VSNL1: variants seen among roughly 807,000 people sequenced by gnomAD.
VSNL1 encodes the protein visinin like 1.
VSNL1 carries 6 observed loss-of-function variants against 20.4 expected under a neutral mutation model. That is an observed-to-expected ratio of 0.29 (90% confidence interval 0.16 to 0.58). The LOEUF (loss-of-function observed/expected upper bound fraction) is 0.58. VSNL1 is among the 20% of genes least tolerant of loss of function. VSNL1 has a pLI of 0.90. For synonymous variants in VSNL1, 93 were observed against 86.4 expected, an observed-to-expected ratio of 1.08 and a Z score of -0.42; for missense variants, 100 against 234.5, an observed-to-expected ratio of 0.43 and a Z score of 3.75.
intron 2 of VSNL1, among the ~76,000 whole-genome samples, chr2:17,643,662 C>T (rs577990201): frequency 9.2e-5 from 14 of 152,286 alleles, no homozygotes; most frequent in South Asian, 4.1e-4. Flanking sequence ...AAAAAGGGCA[C>T]GAATCCACAA....
chr2:17,606,564 C>T (rs893876199), intron 2 of VSNL1, among the ~76,000 whole-genome samples: 1 of 152,146 alleles, frequency 6.6e-6, no homozygotes, highest in Non-Finnish European at 1.5e-5. Flanking sequence ...TGGGCTATGA[C>T]TGTGAGGTTG....
At chr2:17,609,164 G>C (rs528310689) in intron 2 of VSNL1, among the ~76,000 whole-genome samples, 2 of 152,192 alleles carry the variant, frequency 1.3e-5, no homozygotes, top group South Asian at 4.2e-4. Context: ...TCAAGGCCTC[G>C]GTCTCTTTCT....
rs1558312491 is a variant in VSNL1, at chr2:17,649,740, ACAC to A, written c.378+119_378+121del. 3.1e-6 allele frequency: 3 copies of A among 973,944 alleles called. No individual in the cohort carries two copies. The highest frequency in any genetic ancestry group is 4.6e-6 in the Non-Finnish European group (3 of 646,668). The allele number at this position is 973,944 out of a possible 1,614,324, so 60.3% of individuals were successfully genotyped here. A position where few individuals can be genotyped will look rare whatever the true frequency, so the allele number is the denominator to read the frequency against. ...TCTCTGCTCGAGCCCTGCCAGCTGC[ACAC>A]CACGCCTGGACTTCTCCTGCTTCTG... On this transcript the variant is annotated intron_variant, in intron 3 of 3. Coordinates refer to ENST00000295156, the MANE Select transcript of VSNL1 (RefSeq NM_003385.5). The surrounding 1 kb of genome is among the most constrained non-coding windows in gnomAD (Gnocchi z 6.4).
intron 1 of VSNL1, among the ~76,000 whole-genome samples, chr2:17,564,347 T>G (rs944522333): frequency 1.3e-5 from 2 of 152,240 alleles, no homozygotes; most frequent in African/African-American, 4.8e-5. Flanking sequence ...CCAAAGATTG[T>G]GTTTCATTTT....
rs1666075382 is a variant in VSNL1 at position 17,649,415 on chromosome 2, T to C, written c.168T>C (p.Phe56=). 2 of 1,614,078 alleles carry C rather than the reference T, an allele frequency of 1.2e-6. No individual in the cohort carries two copies. Among genetic ancestry groups the C allele is most frequent in the Non-Finnish European group, 1.7e-6 (2 of 1,180,044 alleles). The change falls in exon 3 of 4, where the codon TTT becomes TTC. Residue 56 remains phenylalanine, a synonymous_variant. Transcript: ENST00000295156. The surrounding 1 kb of genome is among the most constrained non-coding windows in gnomAD (Gnocchi z 6.4). ...EEFQQLYVKF[F]PYGDASKFAQ... ...GCGCGTGTTCTCCTTTGCAGTTCTT[T>C]CCTTATGGAGACGCCTCCAAGTTTG...
chr2:17,640,178 AG>A (rs2103420911), intron 2 of VSNL1, among the ~76,000 whole-genome samples: 1 of 149,318 alleles, frequency 6.7e-6, no homozygotes, highest in East Asian at 2.0e-4. Context: ...TGAACCTGGG[AG>A]GCAGAGGAAG....
chr2:17,622,076 C>T (rs1665372201), intron 2 of VSNL1, among the ~76,000 whole-genome samples: 1 of 151,996 alleles, frequency 6.6e-6, no homozygotes. Context: ...TTCTGAGTCC[C>T]TCTCCTTGCC....
chr2:17,648,490 A>G (rs1666047554), intron 2 of VSNL1, among the ~76,000 whole-genome samples: 1 of 152,258 alleles, frequency 6.6e-6, no homozygotes, highest in African/African-American at 2.4e-5. Flanking sequence ...TAGACCTTGT[A>G]GTGCTTGCCT....
chr2:17,549,444 G>T (rs1422711250), intron 1 of VSNL1, among the ~76,000 whole-genome samples: 4 of 152,156 alleles, frequency 2.6e-5, no homozygotes, highest in African/African-American at 4.8e-5. Context: ...TACTGTAATA[G>T]ATTGTTTTGT....
intron 2 of VSNL1, among the ~76,000 whole-genome samples, chr2:17,601,849 T>A (rs1236797606): frequency 6.6e-6 from 1 of 151,844 alleles, no homozygotes; most frequent in Non-Finnish European, 1.5e-5. Context: ...GGCACAAGAA[T>A]TGCTTGAACC....
intron 2 of VSNL1, among the ~76,000 whole-genome samples, chr2:17,630,677 C>T (rs982486004): frequency 1.3e-5 from 2 of 152,132 alleles, no homozygotes; most frequent in African/African-American, 4.8e-5. Context: ...AGATACTATG[C>T]CGTTAACAGA....
At chr2:17,607,623 C>T (rs569829446) in intron 2 of VSNL1, among the ~76,000 whole-genome samples, 3 of 152,346 alleles carry the variant, frequency 2.0e-5, no homozygotes, top group South Asian at 4.1e-4. Flanking sequence ...ATGCCTGTCC[C>T]TATAGCACAG....
intron 1 of VSNL1, among the ~76,000 whole-genome samples, chr2:17,550,758 G>C (rs1663515312): frequency 6.6e-6 from 1 of 152,174 alleles, no homozygotes; most frequent in Non-Finnish European, 1.5e-5. Context: ...ACAGAGATGA[G>C]TTCTCTTCAA....
intron 3 of VSNL1, among the ~76,000 whole-genome samples, chr2:17,653,100 G>T (rs1666155643): frequency 6.6e-6 from 1 of 152,172 alleles, no homozygotes; most frequent in African/African-American, 2.4e-5. Context: ...GTCCATCAGG[G>T]CTGGGGACCA....
intron 1 of VSNL1, among the ~76,000 whole-genome samples, chr2:17,569,692 A>ACTCT (rs150511090): frequency 0.033 from 5,026 of 152,044 alleles, 89 homozygotes; most frequent in East Asian, 0.098. Context: ...TATTATTTAA[A>ACTCT]CTCTATTTAA....
chr2:17,591,323 G>C (rs1664588784), intron 1 of VSNL1, among the ~76,000 whole-genome samples: 1 of 152,132 alleles, frequency 6.6e-6, no homozygotes, highest in East Asian at 1.9e-4. Context: ...ACACAACCTG[G>C]TGCTTAATGG....
chr2:17,586,819 T>C (rs1054492278), intron 1 of VSNL1, among the ~76,000 whole-genome samples: 3 of 152,028 alleles, frequency 2.0e-5, no homozygotes, highest in African/African-American at 7.2e-5. Flanking sequence ...GAAAACAGGA[T>C]TGGAATGGAG....
At chr2:17,557,375 G>C (rs1400548869) in intron 1 of VSNL1, among the ~76,000 whole-genome samples, 1 of 152,182 alleles carries the variant, frequency 6.6e-6, no homozygotes, top group Admixed American at 6.5e-5. Context: ...CTAGCACTAA[G>C]TGAACTAAAA....
rs769126576 is a variant in VSNL1, at chr2:17,655,187, T to C, written c.379-10T>C. ...CTGGTAATATCACCTACAATGCTTT[T>C]TTCCCCAAGGCTATCTACAAAATGG... On this transcript the variant is annotated splice_polypyrimidine_tract_variant and intron_variant, in intron 3 of 3. Coordinates refer to ENST00000295156, the MANE Select transcript of VSNL1 (RefSeq NM_003385.5). The surrounding 1 kb of genome is among the most constrained non-coding windows in gnomAD (Gnocchi z 5.2). 6.2e-7 allele frequency: 1 copy of C among 1,613,280 alleles called. No homozygotes were observed. The highest frequency in any genetic ancestry group is 8.5e-7 in the Non-Finnish European group (1 of 1,179,732).
Sources: gnomAD v4.1 joint callset for allele counts (sites outside exome capture counted in the v4.1 genomes callset) on GRCh38, gnomAD v4.1.1 for gene constraint, Gnocchi (gnomAD v3.1) non-coding constraint, MANE v1.5 for transcripts, NCBI Gene and HGNC (gene_info 2026-07-23, HGNC 2026-07-21) for gene names.